Variants in ABHD5 observed in about 807,000 individuals in gnomAD.
The protein encoded by ABHD5 is abhydrolase domain containing 5, lysophosphatidic acid acyltransferase.
ABHD5 carries 30 observed loss-of-function variants against 44.9 expected under a neutral mutation model. That is an observed-to-expected ratio of 0.67 (90% CI 0.50 to 0.91). The LOEUF (loss-of-function observed/expected upper bound fraction) is 0.91. ABHD5 is among the 40% of genes least tolerant of loss of function. ABHD5 has a pLI of 0.00. For missense variants in ABHD5, 399 were observed against 423.4 expected (o/e 0.94, Z 0.50); for synonymous variants, 167 against 147.0 (o/e 1.14, Z -0.99).
intron 1 of ABHD5, chr3:43,691,367 GGCC>G (rs2084378109): frequency 4.7e-6 from 1 of 210,896 alleles, no homozygotes; most frequent in African/African-American, 2.3e-5. Flanking sequence ...TGGCCGCGGC[GGCC>G]GCACCGGCTC....
In ABHD5 at chr3:43,722,160, C is replaced by G. The variant is rs1264028456; in HGVS notation, c.*3628C>G. The G allele has an allele frequency of 2.6e-5, 4 of 152,190 alleles. No homozygotes were observed. 9.4% of individuals were successfully genotyped at this position (152,190 alleles called of 1,614,324 possible). On this transcript the variant is annotated 3_prime_UTR_variant, in exon 7 of 7. Coordinates refer to ENST00000644371, the MANE Select transcript of ABHD5 (RefSeq NM_016006.6). Reference sequence around the variant, plus strand: ...TTGATTACAGCACTGTTTCTAATAGCTACAGACTGGAAGCCAGCCAAATCT... The same window carrying G: ...TTGATTACAGCACTGTTTCTAATAGGTACAGACTGGAAGCCAGCCAAATCT...
downstream of ABHD5, among the ~76,000 whole-genome samples, chr3:43,726,824 G>T (rs2084881033): frequency 6.6e-6 from 1 of 152,266 alleles, no homozygotes; most frequent in Non-Finnish European, 1.5e-5. Context: ...CAGATGTGTG[G>T]GTGGGGCCTG....
At chr3:43,696,471 G>C (rs547846796) in intron 1 of ABHD5, among the ~76,000 whole-genome samples, 2 of 152,290 alleles carry the variant, frequency 1.3e-5, no homozygotes, top group Non-Finnish European at 2.9e-5. Flanking sequence ...GAGCAACACT[G>C]AATGGCATAG....
chr3:43,710,431 A>G (rs1417086931), intron 3 of ABHD5, among the ~76,000 whole-genome samples: 1 of 152,176 alleles, frequency 6.6e-6, no homozygotes, highest in Non-Finnish European at 1.5e-5. Flanking sequence ...ATGCTGGGGT[A>G]GAGAAATGTG....
At position 43,721,918 on chromosome 3, in the gene ABHD5, C is replaced by A. The variant is rs1157210581; in HGVS notation, c.*3386C>A. 1 of 152,108 alleles carries A rather than the reference C, an allele frequency of 6.6e-6. No individual in the cohort carries two copies. Among genetic ancestry groups the A allele is most frequent in the Non-Finnish European group, 1.5e-5 (1 of 68,024 alleles). The allele number at this position is 152,108 out of a possible 1,614,324, so 9.4% of individuals were successfully genotyped here. On this transcript the variant is annotated 3_prime_UTR_variant, in exon 7 of 7. Transcript: ENST00000644371. Reference sequence around the variant, plus strand: ...AAAATAAAATAAAATAATGGAAATACCTTTCTTACCTGTGAGATTGGGGAA... The same window carrying A: ...AAAATAAAATAAAATAATGGAAATAACTTTCTTACCTGTGAGATTGGGGAA...
chr3:43,717,619 G>C, intron 5 of ABHD5, 52 bp from the exon 6 acceptor site: 2 of 1,580,070 alleles, frequency 1.3e-6, no homozygotes, highest in Middle Eastern at 3.3e-4. Context: ...ACAGTGCAAT[G>C]CATACTCATT....
intron 3 of ABHD5, among the ~76,000 whole-genome samples, chr3:43,704,085 T>G (rs977454330): frequency 1.0e-4 from 15 of 142,924 alleles, no homozygotes; most frequent in Non-Finnish European, 2.2e-4. Flanking sequence ...TCGCCCAGGC[T>G]GGAGTGCAGT....
intron 2 of ABHD5, among the ~76,000 whole-genome samples, chr3:43,700,740 A>ATTTTTTTTT (rs1361660825): frequency 6.0e-5 from 9 of 151,212 alleles, no homozygotes; most frequent in East Asian, 1.9e-4. Context: ...TACCCAGCTA[A>ATTTTTTTTT]TTTTTGTATT....
chr3:43,723,204 A>T (rs2084855348), downstream of ABHD5, among the ~76,000 whole-genome samples: 1 of 152,048 alleles, frequency 6.6e-6, no homozygotes, highest in Non-Finnish European at 1.5e-5. Context: ...TATTTTAAAA[A>T]CTCATTGGTC....
chr3:43,725,802 G>A (rs1352621847), downstream of ABHD5, among the ~76,000 whole-genome samples: 1 of 151,738 alleles, frequency 6.6e-6, no homozygotes, highest in Admixed American at 6.6e-5. Flanking sequence ...GACCAGGGTG[G>A]GAGACAAGTG....
intron 2 of ABHD5, 176 bp from the exon 3 acceptor site, chr3:43,702,039 G>C: frequency 1.6e-6 from 1 of 612,984 alleles, no homozygotes; most frequent in Non-Finnish European, 2.7e-6. Context: ...GTAAAACATG[G>C]TCATTTAGGA....
At chr3:43,698,233 G>A (rs1472961332) in intron 1 of ABHD5, among the ~76,000 whole-genome samples, 1 of 152,162 alleles carries the variant, frequency 6.6e-6, no homozygotes, top group Non-Finnish European at 1.5e-5. Flanking sequence ...TCTCCAACCA[G>A]TTATCAAATC....
intron 7 of ABHD5, among the ~76,000 whole-genome samples, chr3:43,732,904 T>C (rs1697261184): frequency 6.6e-6 from 1 of 152,200 alleles, no homozygotes; most frequent in African/African-American, 2.4e-5. Flanking sequence ...TGTTGGGATT[T>C]GGTTCCCTCC....
rs972431209 is a variant in ABHD5 at position 43,709,719 on chromosome 3, C to T, written c.507-1990C>T. 2.6e-5 allele frequency among the ~76,000 whole-genome samples: 4 copies of T among 152,216 alleles called. No individual in the cohort carries two copies. The East Asian group carries it at 7.7e-4, about 29-fold the overall frequency. On this transcript the variant is annotated intron_variant, in intron 3 of 6. Transcript: ENST00000644371. ...ATACCCCTGTTAGGCCTCTTCCTTC[C>T]CCTACCCCAGATCTTATTGTGGGCT...
At chr3:43,701,707 A>G (rs1482604633) in intron 2 of ABHD5, among the ~76,000 whole-genome samples, 1 of 152,202 alleles carries the variant, frequency 6.6e-6, no homozygotes, top group Non-Finnish European at 1.5e-5. Context: ...TACATGTTTA[A>G]CATAGATACC....
chr3:43,702,483 C>T lies in ABHD5; in HGVS notation c.402C>T (p.Ser134=). The T allele has an allele frequency of 6.2e-7, 1 of 1,614,206 alleles. No individual in the cohort carries two copies. The highest frequency in any genetic ancestry group is 8.5e-7 in the Non-Finnish European group (1 of 1,180,040). The change falls in exon 3 of 7, where the codon TCC becomes TCT. Residue 134 remains serine (S), a synonymous_variant. Coordinates refer to ENST00000644371, the MANE Select transcript of ABHD5 (RefSeq NM_016006.6). Reference sequence around the variant, plus strand: ...AAGTGGAGAATCAGTTTGTGGAATCCATTGAAGAGTGGAGATGTGCCCTAG... The same window carrying T: ...AAGTGGAGAATCAGTTTGTGGAATCTATTGAAGAGTGGAGATGTGCCCTAG... ...AEEVENQFVE[S]IEEWRCALGL...
At chr3:43,713,454 T>A (rs959612058) in intron 4 of ABHD5, among the ~76,000 whole-genome samples, 13 of 152,058 alleles carry the variant, frequency 8.5e-5, no homozygotes, top group African/African-American at 2.9e-4. Flanking sequence ...CTGTAAATGC[T>A]GTTCCCTTCT....
chr3:43,713,520 G>T (rs1400894436), intron 4 of ABHD5, among the ~76,000 whole-genome samples: 1 of 151,876 alleles, frequency 6.6e-6, no homozygotes, highest in Non-Finnish European at 1.5e-5. Context: ...GGAGAGCAGT[G>T]GGACTGCAGG....
At chr3:43,697,873 T>G (rs2149593060) in intron 1 of ABHD5, among the ~76,000 whole-genome samples, 1 of 152,340 alleles carries the variant, frequency 6.6e-6, no homozygotes, top group East Asian at 1.9e-4. Flanking sequence ...ACTTACTTAC[T>G]TACTAGCTGT....
Sources: gnomAD v4.1 joint callset for allele counts (sites outside exome capture counted in the v4.1 genomes callset) on GRCh38, gnomAD v4.1.1 for gene constraint, MANE v1.5 for transcripts, NCBI Gene and HGNC (gene_info 2026-07-23, HGNC 2026-07-21) for gene names.